The following PLEKHH2 variants were observed in gnomAD, a reference collection of about 807,000 sequenced individuals.
The protein encoded by PLEKHH2 is pleckstrin homology, MyTH4 and FERM domain containing H2.
PLEKHH2 carries 129 observed loss-of-function variants against 187.9 expected under a neutral mutation model. That is an observed-to-expected ratio of 0.69 (90% CI 0.59 to 0.79). The LOEUF (loss-of-function observed/expected upper bound fraction) is 0.79. Among genes scored for constraint, PLEKHH2 ranks in the 30% least tolerant of loss-of-function variants. The pLI, the probability that PLEKHH2 is intolerant of heterozygous loss-of-function variation, is 0.00. For synonymous variants in PLEKHH2, 686 were observed against 605.6 expected (o/e 1.13, Z -1.95); for missense variants, 2,076 against 1,751.2 (o/e 1.19, Z -3.31).
chr2:43,755,354 C>CT (rs1672176397), intron 25 of PLEKHH2, among the ~76,000 whole-genome samples: 1 of 152,124 alleles, frequency 6.6e-6, no homozygotes, highest in Non-Finnish European at 1.5e-5. Flanking sequence ...AATGTGAACT[C>CT]TTAGGGATGT....
Position 43,649,539 on chromosome 2 carries a change from A to T in PLEKHH2, c.123+4743A>T, listed in dbSNP as rs545251991. Among the ~76,000 whole-genome samples the T allele has an allele frequency of 8.5e-5, 13 of 152,338 alleles. No individual in the cohort carries two copies. In the East Asian group the frequency reaches 1.3e-3, roughly 16 times the overall value. On this transcript the variant is annotated intron_variant, in intron 2 of 29. Coordinates refer to ENST00000282406, the MANE Select transcript of PLEKHH2 (RefSeq NM_172069.4). ...CCTCATAGGAATAAGGAGTCCTTGG[A>T]CAGCATAGTATATGCTTTTACCCAA... is the stretch of plus-strand genomic sequence containing the variant.
chr2:43,738,238 C>G, intron 19 of PLEKHH2, 103 bp from the exon 20 acceptor site: 1 of 972,200 alleles, frequency 1.0e-6, no homozygotes. Flanking sequence ...CCTTTTCCAT[C>G]ATTTTAAACA....
intron 8 of PLEKHH2, among the ~76,000 whole-genome samples, chr2:43,703,447 C>T (rs1391190290): frequency 6.6e-6 from 1 of 152,200 alleles, no homozygotes; most frequent in African/African-American, 2.4e-5. Flanking sequence ...TGTACATTGA[C>T]ATAGGAAGGC....
chr2:43,734,369 T>C (rs2104578970), intron 19 of PLEKHH2, among the ~76,000 whole-genome samples: 1 of 152,330 alleles, frequency 6.6e-6, no homozygotes, highest in East Asian at 1.9e-4. Context: ...GAATCCAGCA[T>C]CATTTAAAGA....
chr2:43,705,108 T>C (rs984311104), intron 9 of PLEKHH2, among the ~76,000 whole-genome samples: 3 of 152,098 alleles, frequency 2.0e-5, no homozygotes, highest in Non-Finnish European at 2.9e-5. Context: ...CAACAAGAAC[T>C]GTCTGGAATA....
chr2:43,720,488 T>C (rs1376992191), intron 15 of PLEKHH2, among the ~76,000 whole-genome samples, 181 bp from the exon 16 acceptor site: 2 of 152,190 alleles, frequency 1.3e-5, no homozygotes, highest in African/African-American at 4.8e-5. Flanking sequence ...TCCCTATTTA[T>C]GTCCATGTGT....
At position 43,761,515 on chromosome 2, in the gene PLEKHH2, G is replaced by A. The variant is rs889229923; in HGVS notation, c.4072-789G>A. 2.0e-5 allele frequency among the ~76,000 whole-genome samples: 3 copies of A among 148,890 alleles called. No homozygotes were observed. In the Admixed American group the frequency reaches 2.0e-4, roughly 10 times the overall value. On this transcript the variant is annotated intron_variant, in intron 27 of 29. Coordinates refer to ENST00000282406, the MANE Select transcript of PLEKHH2 (RefSeq NM_172069.4). ...AGCCTGCGCCTCCCAGGTTCCAGCT[G>A]TTCTCCTGTCTCAGCCTCCCAAGTA...
At chr2:43,737,493 A>G (rs1222554039) in intron 19 of PLEKHH2, among the ~76,000 whole-genome samples, 2 of 152,226 alleles carry the variant, frequency 1.3e-5, no homozygotes, top group African/African-American at 4.8e-5. Context: ...TCAGGAATCT[A>G]GAAGCAGTTT....
intron 2 of PLEKHH2, among the ~76,000 whole-genome samples, chr2:43,678,589 A>T (rs1042105951): frequency 6.6e-6 from 1 of 152,152 alleles, no homozygotes; most frequent in Non-Finnish European, 1.5e-5. Flanking sequence ...GCGCGCCTGC[A>T]ATCGCAGGCA....
At chr2:43,731,714 A>G in intron 19 of PLEKHH2, 112 bp downstream of exon 19, 2 of 651,502 alleles carry the variant, frequency 3.1e-6, no homozygotes, top group Non-Finnish European at 5.1e-6. Flanking sequence ...TACTCCAAGA[A>G]AATTCAAAAT....
intron 3 of PLEKHH2, chr2:43,679,589 G>A (rs181677773): frequency 0.01 from 2,901 of 287,218 alleles, 39 homozygotes; most frequent in South Asian, 0.026. Flanking sequence ...TCCGCCTCCC[G>A]GGTTCAAGTG....
intron 7 of PLEKHH2, among the ~76,000 whole-genome samples, chr2:43,698,874 GTTATTC>G (rs1232253611): frequency 6.6e-6 from 1 of 152,132 alleles, no homozygotes; most frequent in African/African-American, 2.4e-5. Context: ...TTTAAAGAGT[GTTATTC>G]TTATTATAAA....
chr2:43,637,816 C>A (rs1032386213), intron 1 of PLEKHH2, among the ~76,000 whole-genome samples: 1 of 152,144 alleles, frequency 6.6e-6, no homozygotes, highest in Non-Finnish European at 1.5e-5. Context: ...ATCTCCGGGG[C>A]GAAACTTTAA....
rs936224203 is a variant in PLEKHH2, at chr2:43,711,623, G to A, written c.2302-602G>A. 7 of 944,764 alleles carry A rather than the reference G, an allele frequency of 7.4e-6. No homozygotes were observed. The African/African-American group carries it at 1.1e-4, about 14-fold the overall frequency. The allele number at this position is 944,764 out of a possible 1,614,324, so 58.5% of individuals were successfully genotyped here. On this transcript the variant is annotated intron_variant, in intron 14 of 29. Coordinates refer to ENST00000282406, the MANE Select transcript of PLEKHH2 (RefSeq NM_172069.4). ...AAGTAGGAACCTGGCCGGGCGCGGTGGCTCACGCCTGTAATCTCAGCACTT... is the reference window on the plus strand; with the variant it reads ...AAGTAGGAACCTGGCCGGGCGCGGTAGCTCACGCCTGTAATCTCAGCACTT...
chr2:43,720,240 A>T (rs4144057), intron 15 of PLEKHH2, among the ~76,000 whole-genome samples: 1 of 152,072 alleles, frequency 6.6e-6, no homozygotes, highest in East Asian at 1.9e-4. Context: ...GGTGAGCACC[A>T]AAGCAAAACT....
intron 17 of PLEKHH2, among the ~76,000 whole-genome samples, chr2:43,726,953 T>A (rs182063005): frequency 1.8e-3 from 275 of 152,342 alleles, no homozygotes; most frequent in African/African-American, 6.3e-3. Flanking sequence ...TTAGGAAACA[T>A]TAGTTTTTCA....
In PLEKHH2 at chr2:43,765,640, G is replaced by A. The variant is rs1317251411; in HGVS notation, c.*42G>A. ...ACATTCACTCCTTGTCCTCCATGCT[G>A]TGGCTGTATCAGCTCCCTACAAGTT... On this transcript the variant is annotated 3_prime_UTR_variant, in exon 30 of 30. Transcript: ENST00000282406. The A allele has an allele frequency of 1.3e-6, 2 of 1,587,132 alleles. No homozygotes were observed. Among genetic ancestry groups the A allele is most frequent in the African/African-American group, 2.7e-5 (2 of 74,026 alleles).
intron 26 of PLEKHH2, among the ~76,000 whole-genome samples, chr2:43,758,109 G>T (rs1672287391): frequency 6.6e-6 from 1 of 152,190 alleles, no homozygotes; most frequent in Admixed American, 6.5e-5. Context: ...AAACATTTAA[G>T]ATCAGCCTTT....
At chr2:43,694,739 T>C (rs1429840899) in intron 5 of PLEKHH2, among the ~76,000 whole-genome samples, 1 of 152,194 alleles carries the variant, frequency 6.6e-6, no homozygotes. Context: ...AATAACTTTA[T>C]TCTAATAAGT....
Sources: allele counts gnomAD v4.1 joint callset (sites outside exome capture counted in the v4.1 genomes callset), GRCh38; gene constraint gnomAD v4.1.1; transcripts MANE v1.5; gene names NCBI Gene and HGNC (gene_info 2026-07-23, HGNC 2026-07-21).